Variants in CPNE5 observed in about 807,000 individuals in gnomAD.
CPNE5 encodes copine-5.
CPNE5 carries 42 observed loss-of-function variants against 81.1 expected under a neutral mutation model. The ratio of observed to expected loss-of-function variants is 0.52; its 90% CI spans 0.40 to 0.67. CPNE5 has a LOEUF of 0.67. Among genes scored for constraint, CPNE5 ranks in the 30% least tolerant of loss-of-function variants. The pLI, the probability that CPNE5 is intolerant of heterozygous loss-of-function variation, is 0.00. For synonymous variants in CPNE5, 313 were observed against 321.5 expected (o/e 0.97, Z 0.28); for missense variants, 612 against 815.5 (o/e 0.75, Z 3.04).
chr6:36,807,490 T>C (rs11965916), intron 3 of CPNE5, among the ~76,000 whole-genome samples: 4,163 of 152,312 alleles, frequency 0.027, 198 homozygotes, highest in African/African-American at 0.093. Context: ...ACTCTGGTTC[T>C]TTCTACATCC....
chr6:36,758,608 A>G (rs1434125017), intron 12 of CPNE5, among the ~76,000 whole-genome samples: 3 of 152,202 alleles, frequency 2.0e-5, no homozygotes, highest in Non-Finnish European at 2.9e-5. Flanking sequence ...AGTCCATGCG[A>G]GAGGTCATGA....
intron 14 of CPNE5, among the ~76,000 whole-genome samples, chr6:36,748,668 CA>C (rs1764467419): frequency 6.6e-6 from 1 of 152,056 alleles, no homozygotes; most frequent in Admixed American, 6.6e-5. Flanking sequence ...AAAAGAGAGT[CA>C]AATAGACATT....
At chr6:36,780,740 TTCAC>T (rs1468324312) in intron 8 of CPNE5, among the ~76,000 whole-genome samples, 1 of 152,220 alleles carries the variant, frequency 6.6e-6, no homozygotes. Flanking sequence ...CCTCCATTCA[TTCAC>T]TCACTCACTC....
rs929741114 is a variant in CPNE5, at chr6:36,822,100, G to A, written c.183+14C>T. ...CAGGCTGGTGTTTCTGGTGTGGGAA[G>A]GAGCTGCACCTACCTCCCGCCACTG... On this transcript the variant is annotated intron_variant, in intron 3 of 20. Coordinates refer to ENST00000244751, the MANE Select transcript of CPNE5 (RefSeq NM_020939.2). The A allele has an allele frequency of 2.6e-5, 39 of 1,528,878 alleles. No individual in the cohort carries two copies. Among genetic ancestry groups the A allele is most frequent in the Non-Finnish European group, 3.4e-5 (38 of 1,131,316 alleles). The allele number at this position is 1,528,878 out of a possible 1,614,324, so 94.7% of individuals were successfully genotyped here. A position where few individuals can be genotyped will look rare whatever the true frequency, so the allele number is the denominator to read the frequency against.
Position 36,774,965 on chromosome 6 carries a change from CG to C in CPNE5, c.732del (p.Tyr244Ter). 6.2e-7 allele frequency: 1 copy of C among 1,612,558 alleles called. No homozygotes were observed. Among genetic ancestry groups the C allele is most frequent in the Non-Finnish European group, 8.5e-7 (1 of 1,178,576 alleles). ...AGGGACATTTTCTCATCTCACCGAT[CG>C]TAGTCGCCGTTGCAGAGGGCTCTCA... ...IPVRALCNGD[Y>X]DRTIKVEVYD... On this transcript the variant is annotated frameshift_variant, in exon 10 of 21. Transcript: ENST00000244751. LOFTEE classifies it high-confidence loss of function.
intron 12 of CPNE5, among the ~76,000 whole-genome samples, chr6:36,762,645 C>A (rs575896777): frequency 5.1e-4 from 78 of 152,310 alleles, no homozygotes; most frequent in African/African-American, 1.5e-3. Flanking sequence ...CTTGTGAGAA[C>A]TGCTCTTTAT....
At chr6:36,826,892 G>A (rs1270412314) in intron 1 of CPNE5, among the ~76,000 whole-genome samples, 1 of 152,126 alleles carries the variant, frequency 6.6e-6, no homozygotes, top group East Asian at 1.9e-4. Flanking sequence ...CTGTAAAGTG[G>A]GGGGTGGGGC....
intron 10 of CPNE5, among the ~76,000 whole-genome samples, chr6:36,768,990 C>T (rs184928514): frequency 2.0e-3 from 304 of 152,322 alleles, no homozygotes; most frequent in Non-Finnish European, 3.1e-3. Flanking sequence ...GTACAGTCAG[C>T]GCTGGACACA....
At chr6:36,835,727 C>T (rs559642213) in intron 1 of CPNE5, among the ~76,000 whole-genome samples, 19 of 151,692 alleles carry the variant, frequency 1.3e-4, no homozygotes, top group South Asian at 2.1e-4. Context: ...ACCCAGAAAG[C>T]GGAGGTTGCA....
chr6:36,805,213 C>T (rs1391869591), intron 3 of CPNE5, among the ~76,000 whole-genome samples: 2 of 152,216 alleles, frequency 1.3e-5, no homozygotes, highest in Non-Finnish European at 1.5e-5. Context: ...TATTAGCACC[C>T]GAGCACTGGG....
intron 1 of CPNE5, among the ~76,000 whole-genome samples, chr6:36,833,772 C>A (rs1205824344): frequency 6.6e-6 from 1 of 152,118 alleles, no homozygotes; most frequent in East Asian, 1.9e-4. Flanking sequence ...CCTAGTGAGA[C>A]CCTGAGCAGA....
chr6:36,779,760 GCC>G (rs1338509305), intron 8 of CPNE5, among the ~76,000 whole-genome samples: 6 of 152,208 alleles, frequency 3.9e-5, no homozygotes, highest in Non-Finnish European at 7.3e-5. Context: ...GGACCCCTCA[GCC>G]CCTCAGCTCT....
chr6:36,784,294 G>A (rs539868026), intron 8 of CPNE5, among the ~76,000 whole-genome samples: 1 of 152,320 alleles, frequency 6.6e-6, no homozygotes, highest in African/African-American at 2.4e-5. Context: ...AGACTCCGTG[G>A]GGGATAAAAC....
rs188474535 is a variant in CPNE5, at chr6:36,807,096, C to T, written c.184-7026G>A. On this transcript the variant is annotated intron_variant, in intron 3 of 20. Coordinates refer to ENST00000244751, the MANE Select transcript of CPNE5 (RefSeq NM_020939.2). The stretch of plus-strand genomic sequence containing the variant: ...AATGCAAATGTCTGTCTACACATGC[C>T]TGCATTTTCTGGGGAGAACAGCCAA... 8.2e-4 allele frequency among the ~76,000 whole-genome samples: 125 copies of T among 152,346 alleles called. 1 individual carries two copies. The highest frequency in any genetic ancestry group is 4.4e-5 in the Non-Finnish European group (3 of 68,024).
At chr6:36,765,876 T>C (rs1299689214) in intron 10 of CPNE5, among the ~76,000 whole-genome samples, 3 of 152,274 alleles carry the variant, frequency 2.0e-5, no homozygotes, top group Non-Finnish European at 4.4e-5. Context: ...GGCTCGGGGA[T>C]GGCCCGCTGA....
intron 8 of CPNE5, among the ~76,000 whole-genome samples, chr6:36,791,086 C>T (rs566464093): frequency 6.6e-6 from 1 of 152,260 alleles, no homozygotes; most frequent in South Asian, 2.1e-4. Context: ...GTAGCCCAGG[C>T]TTTGTTTACA....
Position 36,792,016 on chromosome 6 carries a change from A to C in CPNE5, c.528+17T>G, listed in dbSNP as rs1239261293. 1 of 1,611,794 alleles carries C rather than the reference A, an allele frequency of 6.2e-7. No homozygotes were observed. The highest frequency in any genetic ancestry group is 1.1e-5 in the South Asian group (1 of 91,026). On this transcript the variant is annotated intron_variant, in intron 8 of 20. Transcript: ENST00000244751. The stretch of plus-strand genomic sequence containing the variant: ...CCACCCCAACCACGTCCTGTGCTGG[A>C]GTCCTCTGCCACTCACCCTACAGTT...
intron 14 of CPNE5, among the ~76,000 whole-genome samples, chr6:36,749,289 G>C (rs917158793): frequency 1.3e-5 from 2 of 152,080 alleles, no homozygotes; most frequent in Non-Finnish European, 2.9e-5. Flanking sequence ...AAGCCATTCA[G>C]GTGCTTGGGG....
chr6:36,817,689 C>G (rs1026826995), intron 3 of CPNE5, among the ~76,000 whole-genome samples: 5 of 152,178 alleles, frequency 3.3e-5, no homozygotes, highest in African/African-American at 1.2e-4. Flanking sequence ...AAGACTGACC[C>G]AAGTTGACTG....
Sources: gnomAD v4.1 joint callset for allele counts (sites outside exome capture counted in the v4.1 genomes callset) on GRCh38, gnomAD v4.1.1 for gene constraint, MANE v1.5 for transcripts, NCBI Gene and HGNC (gene_info 2026-07-23, HGNC 2026-07-21) for gene names.